SHROOM3: variants seen among roughly 807,000 people sequenced by gnomAD.
SHROOM3 encodes shroom family member 3.
Under a neutral mutation model 138.6 loss-of-function variants are expected in SHROOM3, and 47 were observed. That is an observed-to-expected ratio of 0.34 (90% CI 0.27 to 0.43). The LOEUF is 0.43. SHROOM3 is among the 20% of genes least tolerant of loss of function. The probability of loss-of-function intolerance (pLI) is 1.00; values close to 1 mark genes in which losing one functional copy is unlikely to be tolerated. For synonymous variants in SHROOM3, 1,062 were observed against 1,063.3 expected, an observed-to-expected ratio of 1.00 and a Z score of 0.02; for missense variants, 2,491 against 2,596.5, an observed-to-expected ratio of 0.96 and a Z score of 0.88.
At chr4:76,756,096 G>A (rs557551365) in intron 7 of SHROOM3, among the ~76,000 whole-genome samples, 1 of 152,164 alleles carries the variant, frequency 6.6e-6, no homozygotes, top group Non-Finnish European at 1.5e-5. Flanking sequence ...CTGGGCTCAG[G>A]AGCCCCTTTA....
chr4:76,706,166 G>A (rs11725327), intron 2 of SHROOM3, among the ~76,000 whole-genome samples: 64,059 of 151,982 alleles, frequency 0.42, 14,874 homozygotes, highest in African/African-American at 0.61. Context: ...TCTGTTGCCA[G>A]GCTGGAGTGC....
In SHROOM3 at chr4:76,549,516, G is replaced by A. The variant is rs374811423; in HGVS notation, c.169-6093G>A. Among the ~76,000 whole-genome samples, 41 of 152,068 alleles carry A rather than the reference G, an allele frequency of 2.7e-4. No homozygotes were observed. In the South Asian group the frequency reaches 7.9e-3, roughly 29 times the overall value. ...CCTGAGTAGCTAGGATTACAGGTGC[G>A]TGCCACCATGCCCGCCTAATTTTTG... On this transcript the variant is annotated intron_variant, in intron 1 of 10. Transcript: ENST00000296043.
chr4:76,537,289 C>A (rs1560537809), intron 1 of SHROOM3, among the ~76,000 whole-genome samples: 1 of 152,024 alleles, frequency 6.6e-6, no homozygotes, highest in East Asian at 1.9e-4. Flanking sequence ...GTAGACCAAT[C>A]CCAAGGAAGT....
chr4:76,607,124 C>A (rs1056870392), intron 2 of SHROOM3, among the ~76,000 whole-genome samples: 2 of 152,152 alleles, frequency 1.3e-5, no homozygotes, highest in African/African-American at 2.4e-5. Context: ...AAATACTCAT[C>A]ATTTCCTCCA....
chr4:76,582,457 A>T (rs1734071389), intron 2 of SHROOM3, among the ~76,000 whole-genome samples: 2 of 152,198 alleles, frequency 1.3e-5, no homozygotes, highest in African/African-American at 4.8e-5. Flanking sequence ...CTCTAATCCC[A>T]AACAAGCACC....
At chr4:76,445,639 G>T (rs1030673523) in intron 1 of SHROOM3, among the ~76,000 whole-genome samples, 6 of 152,176 alleles carry the variant, frequency 3.9e-5, no homozygotes, top group African/African-American at 1.4e-4. Flanking sequence ...AAATGGAAAG[G>T]TAGGCTGAGG....
chr4:76,498,336 G>A (rs1371387765), intron 1 of SHROOM3, among the ~76,000 whole-genome samples: 2 of 152,024 alleles, frequency 1.3e-5, no homozygotes, highest in Non-Finnish European at 2.9e-5. Flanking sequence ...GATAGTTCAA[G>A]GAAGATAGAT....
At chr4:76,544,896 G>T (rs935771809) in intron 1 of SHROOM3, among the ~76,000 whole-genome samples, 6 of 152,134 alleles carry the variant, frequency 3.9e-5, no homozygotes, top group African/African-American at 1.4e-4. Context: ...CTCTTCACTA[G>T]TGAATATTTC....
At position 76,557,926 on chromosome 4, in the gene SHROOM3, T is replaced by G. The variant is rs6819893; in HGVS notation, c.323+2163T>G. On this transcript the variant is annotated intron_variant, in intron 2 of 10. Transcript: ENST00000296043. ...GCAGTCATCTCAAACATGGGGCTGA[T>G]GTTTCAAACAGATGGGTAGACAAGC... Among the ~76,000 whole-genome samples the G allele has an allele frequency of 1.2e-3, 188 of 152,292 alleles. 1 individual carries two copies. Among genetic ancestry groups the G allele is most frequent in the Middle Eastern group, 6.8e-3 (2 of 294 alleles).
intron 9 of SHROOM3, among the ~76,000 whole-genome samples, chr4:76,763,082 A>G (rs1722035940): frequency 6.6e-6 from 1 of 152,182 alleles, no homozygotes; most frequent in Non-Finnish European, 1.5e-5. Context: ...GCTCATGATT[A>G]AATAAAAAAT....
intron 3 of SHROOM3, among the ~76,000 whole-genome samples, chr4:76,722,325 G>A (rs960604333): frequency 6.6e-6 from 1 of 152,164 alleles, no homozygotes; most frequent in Non-Finnish European, 1.5e-5. Context: ...ATACTATGCA[G>A]CCGTAAAAAA....
chr4:76,544,670 T>G (rs538678859), intron 1 of SHROOM3, among the ~76,000 whole-genome samples: 43 of 152,348 alleles, frequency 2.8e-4, no homozygotes, highest in Non-Finnish European at 5.7e-4. Context: ...GTGCTGGGAT[T>G]ACAGGCGTGA....
chr4:76,736,916 T>C (rs569583428), intron 4 of SHROOM3, among the ~76,000 whole-genome samples: 65 of 152,324 alleles, frequency 4.3e-4, no homozygotes, highest in African/African-American at 1.5e-3. Context: ...TAAACCTACA[T>C]TGACACATCA....
intron 1 of SHROOM3, among the ~76,000 whole-genome samples, chr4:76,475,042 A>G (rs965942288): frequency 3.3e-5 from 5 of 152,106 alleles, no homozygotes; most frequent in South Asian, 4.1e-4. Context: ...CCTTTGTACT[A>G]GAGAGGACAG....
intron 2 of SHROOM3, among the ~76,000 whole-genome samples, chr4:76,653,111 T>G (rs1406509631): frequency 1.3e-5 from 2 of 152,154 alleles, no homozygotes; most frequent in African/African-American, 4.8e-5. Flanking sequence ...GAAGAATTGC[T>G]CAGTAAACTT....
At chr4:76,609,165 A>G (rs1382256165) in intron 2 of SHROOM3, among the ~76,000 whole-genome samples, 1 of 152,220 alleles carries the variant, frequency 6.6e-6, no homozygotes. Flanking sequence ...ATTTCCTGAT[A>G]ACTGAATGGA....
chr4:76,579,285 G>A (rs774280426), intron 2 of SHROOM3, among the ~76,000 whole-genome samples: 4 of 152,080 alleles, frequency 2.6e-5, no homozygotes, highest in Non-Finnish European at 5.9e-5. Context: ...TGGCTAACAC[G>A]GTGAAACCCT....
At position 76,740,113 on chromosome 4, in the gene SHROOM3, T is replaced by C. The variant is rs773256041; in HGVS notation, c.1940T>C (p.Leu647Pro). The change falls in exon 5 of 11, where the codon CTA (leucine) becomes CCA (proline). Residue 647 changes from leucine (L) to proline (P), a missense_variant. By Grantham distance (98) the Leu-to-Pro change is moderately conservative. Coordinates refer to ENST00000296043, the MANE Select transcript of SHROOM3 (RefSeq NM_020859.4). The surrounding 1 kb of genome is among the most constrained non-coding windows in gnomAD (Gnocchi z 4.0). The stretch of plus-strand genomic sequence containing the variant: ...TGGAGGAGGCTGGAGAGAGAAGGCC[T>C]AGGCCAGAGCCTGTCAGGCAACTTT... ...NLWRRLEREG[L>P]GQSLSGNFGK... 9.4e-5 allele frequency: 151 copies of C among 1,613,704 alleles called. No individual in the cohort carries two copies. Among genetic ancestry groups the C allele is most frequent in the Non-Finnish European group, 1.2e-4 (139 of 1,180,054 alleles).
intron 2 of SHROOM3, among the ~76,000 whole-genome samples, chr4:76,573,057 G>A (rs1733863233): frequency 6.6e-6 from 1 of 151,312 alleles, no homozygotes; most frequent in Non-Finnish European, 1.5e-5. Flanking sequence ...CTCCAGCCTG[G>A]GTGACAGAGC....
Sources: allele counts gnomAD v4.1 joint callset (sites outside exome capture counted in the v4.1 genomes callset), GRCh38; gene constraint gnomAD v4.1.1; non-coding constraint Gnocchi (gnomAD v3.1); transcripts MANE v1.5; gene names NCBI Gene and HGNC (gene_info 2026-07-23, HGNC 2026-07-21).